The following SLC30A4 variants were observed in gnomAD, a reference collection of about 807,000 sequenced individuals.
SLC30A4 encodes the protein solute carrier family 30 member 4, also known as probable proton-coupled zinc antiporter SLC30A4.
A neutral mutation model predicts 41.7 loss-of-function variants in SLC30A4; 20 were observed. That is an observed-to-expected ratio of 0.48 (90% confidence interval 0.34 to 0.70). The LOEUF (loss-of-function observed/expected upper bound fraction) is 0.70, where lower values mean the gene tolerates loss of function less well. Among genes scored for constraint, SLC30A4 ranks in the 30% least tolerant of loss-of-function variants. The probability of loss-of-function intolerance (pLI) is 0.01; values close to 1 mark genes in which losing one functional copy is unlikely to be tolerated. For synonymous variants in SLC30A4, 181 were observed against 195.9 expected (o/e 0.92, Z 0.64); for missense variants, 441 against 529.3 (o/e 0.83, Z 1.64).
intron 3 of SLC30A4, 144 bp downstream of exon 3, chr15:45,510,994 G>T: frequency 1.6e-6 from 1 of 631,754 alleles, no homozygotes; most frequent in Non-Finnish European, 2.7e-6. Context: ...TGGAAAAGAT[G>T]TTTCTGAATA....
chr15:45,491,102 A>G (rs893669779), intron 3 of SLC30A4, among the ~76,000 whole-genome samples: 12 of 152,132 alleles, frequency 7.9e-5, no homozygotes, highest in Admixed American at 2.0e-4. Context: ...GGTTCACTGC[A>G]GCCTTGATCT....
In SLC30A4 at chr15:45,490,711, A is replaced by G; in HGVS notation, c.692+17T>C. 1 of 1,564,428 alleles carries G rather than the reference A, an allele frequency of 6.4e-7. No individual in the cohort carries two copies. The highest frequency in any genetic ancestry group is 8.7e-7 in the Non-Finnish European group (1 of 1,153,126). ...CACAGTACTTGAAAATATTAATGTG[A>G]AAAAAATAGAGCTTACATTACATTA... On this transcript the variant is annotated intron_variant, in intron 4 of 7. Transcript: ENST00000261867.
chr15:45,511,040 A>C, intron 3 of SLC30A4, 98 bp downstream of exon 3: 1 of 934,380 alleles, frequency 1.1e-6, no homozygotes, highest in South Asian at 1.9e-5. Context: ...CTTTGTTCAA[A>C]CAAGATATCA....
chr15:45,489,154 A>T, intron 4 of SLC30A4, 112 bp from the exon 5 acceptor site: 1 of 789,098 alleles, frequency 1.3e-6, no homozygotes, highest in South Asian at 1.8e-5. Context: ...ATAAATTTGG[A>T]GCAACTATTA....
At chr15:45,518,162 C>T (rs1221353027) in intron 2 of SLC30A4, among the ~76,000 whole-genome samples, 1 of 152,114 alleles carries the variant, frequency 6.6e-6, no homozygotes, top group Non-Finnish European at 1.5e-5. Flanking sequence ...ACATGCTGTT[C>T]TCTTCTCTTG....
At chr15:45,521,183 TTAGTAGTTA>T (rs1892654992) in intron 2 of SLC30A4, among the ~76,000 whole-genome samples, 1 of 152,196 alleles carries the variant, frequency 6.6e-6, no homozygotes, top group Non-Finnish European at 1.5e-5. Flanking sequence ...CACTGAGAAG[TTAGTAGTTA>T]TACTGACGTG....
chr15:45,493,100 C>T (rs1006884764), intron 3 of SLC30A4, among the ~76,000 whole-genome samples: 5 of 151,884 alleles, frequency 3.3e-5, no homozygotes, highest in East Asian at 3.9e-4. Context: ...GGCAAAAGCC[C>T]GTCTCTACTA....
intron 3 of SLC30A4, among the ~76,000 whole-genome samples, chr15:45,501,199 T>C (rs1249064922): frequency 1.3e-5 from 2 of 151,454 alleles, no homozygotes; most frequent in East Asian, 4.0e-4. Flanking sequence ...TCCCAGCTAC[T>C]CGGGAGGCTG....
rs778463206 is a variant in SLC30A4 at position 45,522,051 on chromosome 15, T to C, written c.304A>G (p.Arg102Gly). The change falls in exon 2 of 8, where the codon AGA (arginine) becomes GGA (glycine). Residue 102 changes from arginine to glycine, a missense_variant. Around this residue, in one of 3 missense-constraint regions of SLC30A4, gnomAD observed 312 missense variants for 341.9 expected, o/e 0.91. Coordinates refer to ENST00000261867, the MANE Select transcript of SLC30A4 (RefSeq NM_013309.6). ...ACCTTTCTCTGCTTCAGTATCTCTC[T>C]CTGTTTGCTGCAGTTGTCACAGGAG... The part of the protein sequence containing the change: ...VDSCDNCSKQ[R>G]EILKQRKVKA... The C allele has an allele frequency of 6.2e-7, 1 of 1,614,214 alleles. No homozygotes were observed. Among genetic ancestry groups the C allele is most frequent in the South Asian group, 1.1e-5 (1 of 91,082 alleles).
chr15:45,493,808 C>A (rs984287516), intron 3 of SLC30A4, among the ~76,000 whole-genome samples: 1 of 152,044 alleles, frequency 6.6e-6, no homozygotes, highest in Non-Finnish European at 1.5e-5. Flanking sequence ...GCCTGGCCGA[C>A]AGAGTGAGAC....
Position 45,485,128 on chromosome 15 carries a change from G to A in SLC30A4, c.*35C>T, listed in dbSNP as rs747296207. On this transcript the variant is annotated 3_prime_UTR_variant, in exon 8 of 8. Transcript: ENST00000261867. ...ATTGCTCTCAAGTCTGTGACTGCAG[G>A]ATAAATAAGGCAGGAGTTCCCAAAA... The A allele has an allele frequency of 6.4e-7, 1 of 1,570,740 alleles. No homozygotes were observed. Among genetic ancestry groups the A allele is most frequent in the South Asian group, 1.1e-5 (1 of 87,616 alleles).
chr15:45,504,315 C>T (rs1445158038), intron 3 of SLC30A4, among the ~76,000 whole-genome samples: 3 of 152,186 alleles, frequency 2.0e-5, no homozygotes, highest in Non-Finnish European at 2.9e-5. Context: ...AACCCATTTT[C>T]ATTGGTACTT....
chr15:45,482,624 C>G lies in SLC30A4; in HGVS notation c.*2539G>C, dbSNP rs1891620180. The G allele has an allele frequency of 6.6e-6, 1 of 152,028 alleles. No individual in the cohort carries two copies. The highest frequency in any genetic ancestry group is 6.6e-5 in the Admixed American group (1 of 15,260). The allele number at this position is 152,028 out of a possible 1,614,324, so 9.4% of individuals were successfully genotyped here. A position where few individuals can be genotyped will look rare whatever the true frequency, so the allele number is the denominator to read the frequency against. ...TTTCTACTTGCTAGATACTCAAAGT[C>G]CATAAATATGTCCAGATGTCCACTG... On this transcript the variant is annotated 3_prime_UTR_variant, in exon 8 of 8. Transcript: ENST00000261867.
chr15:45,503,459 T>C (rs1892083370), intron 3 of SLC30A4, among the ~76,000 whole-genome samples: 1 of 150,916 alleles, frequency 6.6e-6, no homozygotes, highest in Non-Finnish European at 1.5e-5. Flanking sequence ...TCTACCAAAA[T>C]ACAAAAATTA....
At chr15:45,517,103 C>T (rs1193109673) in intron 2 of SLC30A4, among the ~76,000 whole-genome samples, 1 of 151,832 alleles carries the variant, frequency 6.6e-6, no homozygotes, top group Non-Finnish European at 1.5e-5. Flanking sequence ...CTAATTAGAC[C>T]TCTCAACAGT....
chr15:45,512,345 A>G (rs1338737502), intron 2 of SLC30A4: 1 of 152,202 alleles, frequency 6.6e-6, no homozygotes, highest in Non-Finnish European at 1.5e-5. Context: ...ATGGGACCTG[A>G]GAATGTATAT....
At chr15:45,514,688 T>C (rs1489361725) in intron 2 of SLC30A4, among the ~76,000 whole-genome samples, 1 of 151,662 alleles carries the variant, frequency 6.6e-6, no homozygotes, top group Non-Finnish European at 1.5e-5. Context: ...CTAATTTTTA[T>C]ATTTTTAGTA....
intron 3 of SLC30A4, among the ~76,000 whole-genome samples, chr15:45,510,045 C>T (rs1313469716): frequency 6.6e-6 from 1 of 151,998 alleles, no homozygotes; most frequent in Non-Finnish European, 1.5e-5. Flanking sequence ...GCACTCCAGC[C>T]TGGGCAACAG....
At chr15:45,500,648 CTATCTATCTATCTATA>C (rs918715882) in intron 3 of SLC30A4, among the ~76,000 whole-genome samples, 11 of 136,092 alleles carry the variant, frequency 8.1e-5, no homozygotes, top group South Asian at 2.1e-4. Flanking sequence ...ATCTATCTAT[CTATCTATCTATCTATA>C]TGTTTTTGTT....
Sources: gnomAD v4.1 joint callset for allele counts (sites outside exome capture counted in the v4.1 genomes callset) on GRCh38, gnomAD v4.1.1 for gene constraint, gnomAD v4.1.1 regional missense constraint, MANE v1.5 for transcripts, NCBI Gene and HGNC (gene_info 2026-07-23, HGNC 2026-07-21) for gene names.